AP3B1: variants seen among roughly 807,000 people sequenced by gnomAD.
AP3B1 encodes the protein AP-3 complex subunit beta-1.
Under a neutral mutation model 132.5 loss-of-function variants are expected in AP3B1, and 61 were observed. That is an observed-to-expected ratio of 0.46 (90% confidence interval 0.37 to 0.57). AP3B1 has a LOEUF of 0.57. AP3B1 is among the 20% of genes least tolerant of loss of function. The pLI is 0.00. For synonymous variants in AP3B1, 388 were observed against 438.3 expected (o/e 0.89, Z 1.43); for missense variants, 1,120 against 1,289.4 (o/e 0.87, Z 2.01).
downstream of AP3B1, chr5:78,001,426 G>A (rs1052071118): frequency 6.6e-6 from 1 of 152,136 alleles, no homozygotes; most frequent in Non-Finnish European, 1.5e-5. Flanking sequence ...CCATACATTG[G>A]TACAGAATGG....
chr5:78,142,811 G>C (rs963688778), intron 14 of AP3B1, among the ~76,000 whole-genome samples: 9 of 152,196 alleles, frequency 5.9e-5, no homozygotes, highest in Middle Eastern at 3.4e-3. Context: ...AAAGGTCTAA[G>C]TGCTATTAAA....
At chr5:78,014,340 A>G (rs1362403285) in intron 26 of AP3B1, among the ~76,000 whole-genome samples, 1 of 152,210 alleles carries the variant, frequency 6.6e-6, no homozygotes, top group Non-Finnish European at 1.5e-5. Context: ...TCTGAAGTCA[A>G]ATCTAATGTT....
chr5:78,035,136 C>T (rs1244383761), intron 23 of AP3B1, among the ~76,000 whole-genome samples: 1 of 151,730 alleles, frequency 6.6e-6, no homozygotes, highest in East Asian at 1.9e-4. Context: ...AATAACTATA[C>T]CAATATACAA....
At chr5:78,116,599 C>A (rs947312461) in intron 17 of AP3B1, among the ~76,000 whole-genome samples, 1 of 150,884 alleles carries the variant, frequency 6.6e-6, no homozygotes, top group Non-Finnish European at 1.5e-5. Context: ...TAGCTTGACA[C>A]TGAGGGAAAA....
chr5:78,185,303 A>C (rs982803258), intron 7 of AP3B1, among the ~76,000 whole-genome samples: 3 of 152,236 alleles, frequency 2.0e-5, no homozygotes, highest in Non-Finnish European at 4.4e-5. Context: ...GAAAAATATG[A>C]GTACATATAA....
rs569789722 is a variant in AP3B1, at chr5:78,105,548, TA to T, written c.2398-4524del. On this transcript the variant is annotated intron_variant, in intron 20 of 26. Transcript: ENST00000255194. ...ACTGAATTTTCTCTCCACTGTTTCA[TA>T]TAAAAAAAAATTTCCCCTTTACATT... Among the ~76,000 whole-genome samples, 209 of 141,982 alleles carry T rather than the reference TA, an allele frequency of 1.5e-3. 1 individual carries two copies. The highest frequency in any genetic ancestry group is 5.3e-3 in the African/African-American group (202 of 37,882). 93.1% of individuals were successfully genotyped at this position (141,982 alleles called of 152,430 possible). A position where few individuals can be genotyped will look rare whatever the true frequency, so the allele number is the denominator to read the frequency against.
intron 22 of AP3B1, among the ~76,000 whole-genome samples, chr5:78,047,401 G>C (rs1748386605): frequency 6.6e-6 from 1 of 152,130 alleles, no homozygotes. Context: ...ATTCTAACTG[G>C]TGTGAGATGG....
intron 14 of AP3B1, among the ~76,000 whole-genome samples, chr5:78,153,330 G>A (rs1232532595): frequency 6.6e-6 from 1 of 151,958 alleles, no homozygotes; most frequent in Non-Finnish European, 1.5e-5. Flanking sequence ...TATAAGTGTA[G>A]GAAGAGACAG....
At chr5:78,111,481 A>G (rs1222248804) in intron 19 of AP3B1, among the ~76,000 whole-genome samples, 1 of 152,208 alleles carries the variant, frequency 6.6e-6, no homozygotes, top group Admixed American at 6.5e-5. Context: ...ATAATAAGTA[A>G]TAAGTAATAA....
Position 78,044,085 on chromosome 5 carries a change from C to G in AP3B1, c.2578-4811G>C, listed in dbSNP as rs1228648386. The G allele has an allele frequency of 1.9e-5, 6 of 322,064 alleles. No homozygotes were observed. In the Admixed American group the frequency reaches 1.9e-4, roughly 10 times the overall value. 20.0% of individuals were successfully genotyped at this position (322,064 alleles called of 1,614,324 possible). A position where few individuals can be genotyped will look rare whatever the true frequency, so the allele number is the denominator to read the frequency against. ...AGAGACATGAGTTGGGCAATATCTGCCTGAAAGGCAAGTTTCCAGCTCCTC... is the reference window on the plus strand; with the variant it reads ...AGAGACATGAGTTGGGCAATATCTGGCTGAAAGGCAAGTTTCCAGCTCCTC... On this transcript the variant is annotated intron_variant, in intron 22 of 26. Coordinates refer to ENST00000255194, the MANE Select transcript of AP3B1 (RefSeq NM_003664.5).
intron 5 of AP3B1, among the ~76,000 whole-genome samples, chr5:78,226,710 AAG>A (rs1007086650): frequency 9.9e-5 from 15 of 152,148 alleles, no homozygotes; most frequent in African/African-American, 3.6e-4. Context: ...CCAGAAACAG[AAG>A]AGAGTCTCAA....
intron 11 of AP3B1, among the ~76,000 whole-genome samples, chr5:78,171,807 G>A (rs1743930328): frequency 6.6e-6 from 1 of 152,136 alleles, no homozygotes; most frequent in Non-Finnish European, 1.5e-5. Flanking sequence ...GGGCATAATT[G>A]TCTTGTGCCA....
At chr5:78,162,209 C>T (rs916382422) in intron 13 of AP3B1, among the ~76,000 whole-genome samples, 3 of 152,032 alleles carry the variant, frequency 2.0e-5, no homozygotes, top group Non-Finnish European at 2.9e-5. Flanking sequence ...AAATAACTGA[C>T]GCTTTGCCAC....
intron 7 of AP3B1, among the ~76,000 whole-genome samples, chr5:78,202,948 A>G (rs778606709): frequency 2.0e-5 from 3 of 152,212 alleles, no homozygotes; most frequent in Non-Finnish European, 4.4e-5. Context: ...GTTTATACCA[A>G]TACAGGCATG....
chr5:78,061,191 T>C (rs76582996), intron 22 of AP3B1, among the ~76,000 whole-genome samples: 1,862 of 151,108 alleles, frequency 0.012, 45 homozygotes, highest in African/African-American at 0.042. Flanking sequence ...ATCAAAAGAC[T>C]GATGAATTGA....
At chr5:78,200,413 T>C (rs1745243516) in intron 7 of AP3B1, among the ~76,000 whole-genome samples, 1 of 152,090 alleles carries the variant, frequency 6.6e-6, no homozygotes, top group Non-Finnish European at 1.5e-5. Flanking sequence ...ATCCCAGCAC[T>C]TTGGGAGGCT....
intron 2 of AP3B1, among the ~76,000 whole-genome samples, chr5:78,250,270 C>A (rs1181978750): frequency 6.6e-6 from 1 of 151,910 alleles, no homozygotes. Flanking sequence ...AATCTTAGTA[C>A]CTATTCCCAA....
At chr5:78,181,416 GCACA>G in intron 8 of AP3B1, 87 bp downstream of exon 8, 1 of 1,211,950 alleles carries the variant, frequency 8.3e-7, no homozygotes, top group Non-Finnish European at 1.2e-6. Flanking sequence ...TGCTCCATTA[GCACA>G]CACAGACTCA....
At chr5:78,181,180 T>C (rs774300245) in intron 8 of AP3B1, among the ~76,000 whole-genome samples, 39 of 152,036 alleles carry the variant, frequency 2.6e-4, no homozygotes, top group Admixed American at 1.3e-4. Flanking sequence ...AACTTAGAAA[T>C]ATCTTAAGAA....
Sources: gnomAD v4.1 joint callset for allele counts (sites outside exome capture counted in the v4.1 genomes callset) on GRCh38, gnomAD v4.1.1 for gene constraint, MANE v1.5 for transcripts, NCBI Gene and HGNC (gene_info 2026-07-23, HGNC 2026-07-21) for gene names.